Variants in TENM2 observed in about 807,000 individuals in gnomAD.
The protein encoded by TENM2 is teneurin-2.
In TENM2, 52 loss-of-function variants were observed where a neutral mutation model predicts 245.2. The ratio of observed to expected loss-of-function variants is 0.21; its 90% CI spans 0.17 to 0.27. The LOEUF (loss-of-function observed/expected upper bound fraction) is 0.27, where lower values mean the gene tolerates loss of function less well. TENM2 is among the 10% of genes least tolerant of loss of function. The probability of loss-of-function intolerance (pLI) is 1.00; values close to 1 mark genes in which losing one functional copy is unlikely to be tolerated. For missense variants in TENM2, 3,046 were observed against 3,666.8 expected (o/e 0.83, Z 4.37); for synonymous variants, 1,363 against 1,438.9 (o/e 0.95, Z 1.19).
intron 2 of TENM2, among the ~76,000 whole-genome samples, chr5:167,716,683 T>C (rs1048723923): frequency 1.6e-4 from 24 of 152,280 alleles, no homozygotes; most frequent in African/African-American, 5.5e-4. Context: ...GACTGTTTTA[T>C]GCAAGTCTTA....
chr5:167,341,448 A>G (rs1346770312), intron 1 of TENM2, among the ~76,000 whole-genome samples: 2 of 152,104 alleles, frequency 1.3e-5, no homozygotes, highest in African/African-American at 4.8e-5. Flanking sequence ...ACTTTGGCAA[A>G]GGACAAATTT....
chr5:167,904,021 G>T (rs150361051), intron 3 of TENM2, among the ~76,000 whole-genome samples: 122 of 152,226 alleles, frequency 8.0e-4, no homozygotes, highest in African/African-American at 2.4e-3. Flanking sequence ...TCATCTGAGC[G>T]GTCAATTTAA....
At chr5:168,164,429 C>T (rs1758034001) in intron 13 of TENM2, among the ~76,000 whole-genome samples, 1 of 152,056 alleles carries the variant, frequency 6.6e-6, no homozygotes, top group Non-Finnish European at 1.5e-5. Flanking sequence ...ACCCACACCT[C>T]TCCATTTATT....
chr5:167,892,867 A>G (rs976021338), intron 3 of TENM2, among the ~76,000 whole-genome samples: 3 of 152,178 alleles, frequency 2.0e-5, no homozygotes, highest in African/African-American at 7.2e-5. Context: ...TAATGTGTGG[A>G]AAAAAATACC....
chr5:167,991,418 G>A (rs563592115), intron 4 of TENM2, among the ~76,000 whole-genome samples: 2 of 152,282 alleles, frequency 1.3e-5, no homozygotes, highest in South Asian at 4.2e-4. Context: ...TCAGATTCTA[G>A]CATTTACTTA....
chr5:167,623,315 C>A (rs73803911), intron 2 of TENM2, among the ~76,000 whole-genome samples: 7,985 of 152,182 alleles, frequency 0.052, 370 homozygotes, highest in African/African-American at 0.13. Flanking sequence ...CAGAGAATTA[C>A]CAGGGAAGAC....
intron 4 of TENM2, among the ~76,000 whole-genome samples, chr5:167,982,499 TTC>T (rs1782918342): frequency 6.6e-6 from 1 of 152,216 alleles, no homozygotes; most frequent in African/African-American, 2.4e-5. Flanking sequence ...GTGGGCCCGC[TTC>T]TGTGTTCTCG....
intron 4 of TENM2, among the ~76,000 whole-genome samples, chr5:167,965,753 C>A (rs913345953): frequency 6.6e-6 from 1 of 152,092 alleles, no homozygotes; most frequent in Non-Finnish European, 1.5e-5. Flanking sequence ...ATGTTACTAT[C>A]CATATTTAAA....
chr5:167,875,028 G>A (rs906989379), intron 2 of TENM2, among the ~76,000 whole-genome samples: 3 of 152,198 alleles, frequency 2.0e-5, no homozygotes, highest in African/African-American at 7.2e-5. Flanking sequence ...TAGTTTTAGA[G>A]TACCTTATTT....
At chr5:168,132,435 C>G (rs1436760654) in intron 12 of TENM2, among the ~76,000 whole-genome samples, 1 of 151,990 alleles carries the variant, frequency 6.6e-6, no homozygotes, top group Non-Finnish European at 1.5e-5. Flanking sequence ...TATGAGCTCC[C>G]ATCAAAAAAG....
chr5:167,333,753 G>C (rs1757594797), intron 1 of TENM2, among the ~76,000 whole-genome samples: 1 of 152,184 alleles, frequency 6.6e-6, no homozygotes, highest in African/African-American at 2.4e-5. Flanking sequence ...ATGTCTTTAA[G>C]AGTAGGTCTC....
intron 3 of TENM2, among the ~76,000 whole-genome samples, chr5:167,916,879 G>T (rs750441867): frequency 6.6e-6 from 1 of 152,200 alleles, no homozygotes; most frequent in Non-Finnish European, 1.5e-5. Context: ...AGCAGCAGCC[G>T]CAGCTGATCT....
intron 12 of TENM2, among the ~76,000 whole-genome samples, chr5:168,154,399 T>C (rs1371441115): frequency 2.6e-5 from 4 of 152,052 alleles, no homozygotes; most frequent in East Asian, 1.9e-4. Flanking sequence ...GTATATTTAG[T>C]AGAGACTAAA....
chr5:167,181,354 G>A, the TENM2 span, among the ~76,000 whole-genome samples: 1,063 of 150,388 alleles, frequency 7.1e-3, 14 homozygotes, highest in African/African-American at 0.025. Flanking sequence ...TTTCTTTCTC[G>A]CCTTTTCCTT....
At chr5:167,106,080 T>A in the TENM2 span, among the ~76,000 whole-genome samples, 1 of 152,172 alleles carries the variant, frequency 6.6e-6, no homozygotes, top group East Asian at 1.9e-4. Context: ...CACTCATGGT[T>A]ATCTGTTTAA....
chr5:167,959,227 C>T (rs2151876454), intron 4 of TENM2, among the ~76,000 whole-genome samples: 1 of 149,074 alleles, frequency 6.7e-6, no homozygotes, highest in East Asian at 2.0e-4. Context: ...TGGAGTCTCG[C>T]TCTGTCGCCC....
At chr5:167,159,966 T>C in the TENM2 span, among the ~76,000 whole-genome samples, 1 of 152,128 alleles carries the variant, frequency 6.6e-6, no homozygotes, top group Non-Finnish European at 1.5e-5. Context: ...TGGGGTGAAA[T>C]GTACAAGACT....
intron 2 of TENM2, among the ~76,000 whole-genome samples, chr5:167,465,079 C>G (rs1368727141): frequency 1.3e-5 from 2 of 152,222 alleles, no homozygotes; most frequent in Admixed American, 1.3e-4. Flanking sequence ...TGGATATTCA[C>G]ACATTACTAG....
the TENM2 span, among the ~76,000 whole-genome samples, chr5:167,272,836 A>G: frequency 6.6e-6 from 1 of 152,166 alleles, no homozygotes; most frequent in Non-Finnish European, 1.5e-5. Flanking sequence ...ATCAAAGACC[A>G]ATGATGCGAG....
Sources: gnomAD v4.1 joint callset for allele counts (sites outside exome capture counted in the v4.1 genomes callset) on GRCh38, gnomAD v4.1.1 for gene constraint, MANE v1.5 for transcripts, NCBI Gene and HGNC (gene_info 2026-07-23, HGNC 2026-07-21) for gene names.